Variants in GALNT9 observed in about 807,000 individuals in gnomAD.
The protein encoded by GALNT9 is polypeptide N-acetylgalactosaminyltransferase 9, also known as GalNAc transferase 9.
In GALNT9, 47 loss-of-function variants were observed where a neutral mutation model predicts 63.1. The ratio of observed to expected loss-of-function variants is 0.75; its 90% confidence interval spans 0.59 to 0.95. The LOEUF (loss-of-function observed/expected upper bound fraction) is 0.95, where lower values mean the gene tolerates loss of function less well. Among genes scored for constraint, GALNT9 ranks in the 40% least tolerant of loss-of-function variants. The pLI is 0.00. For missense variants in GALNT9, 829 were observed against 874.8 expected, an observed-to-expected ratio of 0.95 and a Z score of 0.66; for synonymous variants, 396 against 365.7, an observed-to-expected ratio of 1.08 and a Z score of -0.94.
In GALNT9 at chr12:132,207,611, C is replaced by T. The variant is rs114645226; in HGVS notation, c.1078-3921G>A. On this transcript the variant is annotated intron_variant, in intron 6 of 10. Transcript: ENST00000328957. ...TCCCCCACCGTGTCTCTAGAAGGACCGAAGCTACGGGAGAGGCGAGGCTCC... is the reference window on the plus strand; with the variant it reads ...TCCCCCACCGTGTCTCTAGAAGGACTGAAGCTACGGGAGAGGCGAGGCTCC... Among the ~76,000 whole-genome samples, 386 of 152,258 alleles carry T rather than the reference C, an allele frequency of 2.5e-3. 3 individuals are homozygous for T. The highest frequency in any genetic ancestry group is 8.7e-3 in the African/African-American group (362 of 41,554).
rs147842756 is a variant in GALNT9, at chr12:132,312,548, A to C, written c.238+16418T>G. On this transcript the variant is annotated intron_variant, in intron 1 of 10. Coordinates refer to ENST00000328957, the MANE Select transcript of GALNT9 (RefSeq NM_001122636.2). Reference sequence around the variant, plus strand: ...TGCCCACGCTGTCCTCTGATGGTGCACACACCTGGGTCCACTGGGGTCAGC... The same window carrying C: ...TGCCCACGCTGTCCTCTGATGGTGCCCACACCTGGGTCCACTGGGGTCAGC... Among the ~76,000 whole-genome samples, 497 of 152,310 alleles carry C rather than the reference A, an allele frequency of 3.3e-3. 1 individual carries two copies. Among genetic ancestry groups the C allele is most frequent in the African/African-American group, 0.011 (449 of 41,562 alleles).
intron 6 of GALNT9, among the ~76,000 whole-genome samples, chr12:132,208,161 A>G (rs1876806500): frequency 6.6e-6 from 1 of 152,220 alleles, no homozygotes. Context: ...TTTCAGATGA[A>G]TATTGGCAAT....
chr12:132,230,627 T>A (rs1194756093), intron 6 of GALNT9, among the ~76,000 whole-genome samples: 2 of 151,966 alleles, frequency 1.3e-5, no homozygotes, highest in Non-Finnish European at 2.9e-5. Context: ...ACGGAGTGGA[T>A]GAGAAGGCTG....
chr12:132,216,885 A>T (rs551995128), intron 6 of GALNT9, among the ~76,000 whole-genome samples: 2 of 152,340 alleles, frequency 1.3e-5, no homozygotes, highest in Admixed American at 1.3e-4. Flanking sequence ...GGGAAGAAGA[A>T]TTTGGGGATA....
At chr12:132,240,685 T>C (rs2136899185) in intron 6 of GALNT9, 2 of 456,062 alleles carry the variant, frequency 4.4e-6, no homozygotes, top group Middle Eastern at 6.5e-4. Context: ...TCCTCTTTTA[T>C]TCTGTTTATA....
chr12:132,196,388 T>C lies in GALNT9; in HGVS notation c.*719A>G. On this transcript the variant is annotated 3_prime_UTR_variant, in exon 11 of 11. Transcript: ENST00000328957. ...GCAACTGGGTGTGGCTGGGCGCCAA[T>C]AAAACTGTATTTATTAAAACAGGCA... 18 of 972,054 alleles carry C rather than the reference T, an allele frequency of 1.9e-5. No individual in the cohort carries two copies. The highest frequency in any genetic ancestry group is 2.2e-5 in the Non-Finnish European group (18 of 817,856). The allele number at this position is 972,054 out of a possible 1,614,324, so 60.2% of individuals were successfully genotyped here. A position where few individuals can be genotyped will look rare whatever the true frequency, so the allele number is the denominator to read the frequency against.
chr12:132,201,070 G>A (rs1876046153), intron 8 of GALNT9, 54 bp downstream of exon 8: 6 of 1,549,788 alleles, frequency 3.9e-6, no homozygotes, highest in Non-Finnish European at 5.3e-6. Context: ...ACGTGTGCAG[G>A]AGTCAGGGCA....
intron 6 of GALNT9, among the ~76,000 whole-genome samples, chr12:132,221,698 A>T (rs145163158): frequency 0.58 from 82,828 of 142,618 alleles, 24,359 homozygotes; most frequent in East Asian, 0.7. Flanking sequence ...CCTGAGATGG[A>T]CAATGTATGC....
intron 6 of GALNT9, among the ~76,000 whole-genome samples, chr12:132,208,444 C>T (rs935647860): frequency 6.6e-6 from 1 of 152,266 alleles, no homozygotes; most frequent in African/African-American, 2.4e-5. Context: ...GACGCTATCA[C>T]CCTAGGCCTT....
At chr12:132,273,034 C>T (rs1472332118) in intron 2 of GALNT9, 1 of 152,356 alleles carries the variant, frequency 6.6e-6, no homozygotes, top group African/African-American at 2.4e-5. Context: ...GCACTGTGGT[C>T]ATTCTCGCTG....
intron 6 of GALNT9, among the ~76,000 whole-genome samples, chr12:132,221,911 A>G (rs758112586): frequency 1.3e-5 from 2 of 152,108 alleles, no homozygotes; most frequent in African/African-American, 2.4e-5. Context: ...AAGCAAGAGA[A>G]TAATAGTCAA....
rs987542288 is a variant in GALNT9 at position 132,310,601 on chromosome 12, T to C, written c.238+18365A>G. Among the ~76,000 whole-genome samples, 15 of 152,212 alleles carry C rather than the reference T, an allele frequency of 9.9e-5. No individual in the cohort carries two copies. Among genetic ancestry groups the C allele is most frequent in the Non-Finnish European group, 2.9e-5 (2 of 68,034 alleles). On this transcript the variant is annotated intron_variant, in intron 1 of 10. Coordinates refer to ENST00000328957, the MANE Select transcript of GALNT9 (RefSeq NM_001122636.2). The surrounding 1 kb of genome is among the most constrained non-coding windows in gnomAD (Gnocchi z 4.8). ...TGGGATATGTGGGCGGCTGTGATTT[T>C]TCAACTTGGAAGGAAGTGGGCTTTC...
intron 6 of GALNT9, among the ~76,000 whole-genome samples, chr12:132,206,313 C>T (rs1328346991): frequency 6.6e-6 from 1 of 152,230 alleles, no homozygotes; most frequent in Non-Finnish European, 1.5e-5. Flanking sequence ...GCTCCACTGC[C>T]TCCAGCCTTC....
intron 2 of GALNT9, among the ~76,000 whole-genome samples, chr12:132,271,779 G>A (rs1418675426): frequency 3.3e-5 from 5 of 152,154 alleles, no homozygotes; most frequent in African/African-American, 4.8e-5. Flanking sequence ...GCCCCAAGGC[G>A]AGCAGAGCCC....
chr12:132,272,357 G>A (rs1487534839), intron 2 of GALNT9, among the ~76,000 whole-genome samples: 1 of 152,252 alleles, frequency 6.6e-6, no homozygotes, highest in East Asian at 1.9e-4. Context: ...CCTCCACGAT[G>A]CCCCTGCAGC....
intron 9 of GALNT9, among the ~76,000 whole-genome samples, chr12:132,198,268 G>A (rs1875693435): frequency 6.6e-6 from 1 of 152,238 alleles, no homozygotes; most frequent in Non-Finnish European, 1.5e-5. Context: ...ACTCGTTTCG[G>A]GGAGGACAGG....
intron 2 of GALNT9, among the ~76,000 whole-genome samples, chr12:132,266,393 T>C (rs2135547673): frequency 6.6e-6 from 1 of 152,366 alleles, no homozygotes; most frequent in Non-Finnish European, 1.5e-5. Flanking sequence ...GTCAAGAACC[T>C]GACCCAGCCA....
intron 8 of GALNT9, 146 bp from the exon 9 acceptor site, chr12:132,199,415 C>G (rs781046742): frequency 1.3e-4 from 82 of 621,452 alleles, no homozygotes; most frequent in Non-Finnish European, 1.7e-4. Flanking sequence ...GCCGGGTGGG[C>G]TGCCTGGGAA....
intron 9 of GALNT9, 84 bp downstream of exon 9, chr12:132,199,090 C>T (rs1340216466): frequency 9.0e-6 from 8 of 887,462 alleles, no homozygotes; most frequent in East Asian, 5.0e-5. Context: ...AGGCTGGACC[C>T]GTGCCTCTGC....
Sources: gnomAD v4.1 joint callset for allele counts (sites outside exome capture counted in the v4.1 genomes callset) on GRCh38, gnomAD v4.1.1 for gene constraint, Gnocchi (gnomAD v3.1) non-coding constraint, MANE v1.5 for transcripts, NCBI Gene and HGNC (gene_info 2026-07-23, HGNC 2026-07-21) for gene names.